Variants in TYK2 observed in about 807,000 individuals in gnomAD.
The protein encoded by TYK2 is tyrosine kinase 2, also known as non-receptor tyrosine-protein kinase TYK2.
Under a neutral mutation model 130.9 loss-of-function variants are expected in TYK2, and 65 were observed. The ratio of observed to expected loss-of-function variants is 0.50; its 90% CI spans 0.41 to 0.61. The LOEUF is 0.61. Among genes scored for constraint, TYK2 ranks in the 20% least tolerant of loss-of-function variants. TYK2 has a pLI of 0.00. For synonymous variants in TYK2, 647 were observed against 658.9 expected (o/e 0.98, Z 0.28); for missense variants, 1,378 against 1,610.7 (o/e 0.86, Z 2.47).
chr19:10,369,621 C>G (rs2041826099), intron 3 of TYK2: 1 of 406,976 alleles, frequency 2.5e-6, no homozygotes, highest in South Asian at 1.8e-5. Flanking sequence ...CTTCCTGCAC[C>G]CTCCATGTCC....
Position 10,362,403 on chromosome 19 carries a change from C to T in TYK2, c.1530G>A (p.Gln510=), listed in dbSNP as rs759501152. ...LRLRKFPIEQ[Q]DGAFVLEGWG... is the part of the protein sequence containing the mutation. ...AGCCCTCCAGCACGAAGGCCCCGTCCTGCTGCTCAATGGGGAACTTTCGGA... is the reference window on the plus strand; with the variant it reads ...AGCCCTCCAGCACGAAGGCCCCGTCTTGCTGCTCAATGGGGAACTTTCGGA... The change falls in exon 11 of 25, where the codon CAG becomes CAA. Residue 510 remains glutamine (Q), a synonymous_variant. Coordinates refer to ENST00000525621, the MANE Select transcript of TYK2 (RefSeq NM_003331.5). 1.2e-6 allele frequency: 2 copies of T among 1,613,046 alleles called. No homozygotes were observed. The highest frequency in any genetic ancestry group is 2.2e-5 in the East Asian group (1 of 44,864).
Position 10,354,224 on chromosome 19 carries a change from C to A in TYK2, c.2726G>T (p.Gly909Val). Residue 909 changes from glycine to valine, a missense_variant, in exon 20 of 25, where the codon GGC becomes GTC. Physicochemically the swap from Gly to Val is moderately radical, Grantham distance 109. Coordinates refer to ENST00000525621, the MANE Select transcript of TYK2 (RefSeq NM_003331.5). The part of the protein sequence containing the change: ...KIRDLGEGHF[G>V]KVSLYCYDPT... ...ATCGTAGCAGTACAAGCTGACCTTG[C>A]CGAAGTGACCCTGGTCGGGAGCGCA... 1 of 1,612,488 alleles carries A rather than the reference C, an allele frequency of 6.2e-7. No homozygotes were observed. The highest frequency in any genetic ancestry group is 8.5e-7 in the Non-Finnish European group (1 of 1,180,016).
chr19:10,358,790 C>T (rs1453353802), intron 15 of TYK2, among the ~76,000 whole-genome samples: 1 of 151,730 alleles, frequency 6.6e-6, no homozygotes, highest in African/African-American at 2.4e-5. Flanking sequence ...GCCAGCTGGG[C>T]GTGGTGGCTC....
chr19:10,350,837 G>A lies in TYK2; in HGVS notation c.3561C>T (p.Cys1187=). 6.2e-7 allele frequency: 1 copy of A among 1,613,356 alleles called. No homozygotes were observed. The highest frequency in any genetic ancestry group is 1.1e-5 in the South Asian group (1 of 91,042). ...CAGGCAGGGCTGCCATTGTGCCTCAGCACACGCTGAACACTGAAGGGGCCT... is the reference window on the plus strand; with the variant it reads ...CAGGCAGGGCTGCCATTGTGCCTCAACACACGCTGAACACTGAAGGGGCCT... ...QGQAPSVFSV[C] The change falls in exon 25 of 25, where the codon TGC becomes TGT. Residue 1187 remains cysteine (C), a synonymous_variant. Coordinates refer to ENST00000525621, the MANE Select transcript of TYK2 (RefSeq NM_003331.5).
intron 17 of TYK2, 181 bp downstream of exon 17, chr19:10,357,583 A>C: frequency 9.5e-6 from 8 of 839,782 alleles, no homozygotes; most frequent in Non-Finnish European, 1.6e-5. Context: ...AGTGACTTCC[A>C]CAAGGACCTA....
chr19:10,352,590 C>T (rs749223434), intron 22 of TYK2, 39 bp from the exon 23 acceptor site: 2 of 1,018,984 alleles, frequency 2.0e-6, no homozygotes, highest in Non-Finnish European at 3.0e-6. Flanking sequence ...GGGGGCTGCA[C>T]TGAGGGCTTG....
chr19:10,356,444 A>G (rs993733012), intron 18 of TYK2, 124 bp downstream of exon 18: 4 of 1,214,148 alleles, frequency 3.3e-6, no homozygotes, highest in Non-Finnish European at 4.7e-6. Context: ...TATGAATGCC[A>G]CTGCAAGAAA....
At chr19:10,360,019 GA>G (rs529866271) in intron 14 of TYK2, among the ~76,000 whole-genome samples, 14,761 of 133,690 alleles carry the variant, frequency 0.11, 787 homozygotes, top group Middle Eastern at 0.18. Context: ...TCAAAAAGAA[GA>G]AAAAAAAAAA....
intron 7 of TYK2, 127 bp from the exon 8 acceptor site, chr19:10,365,175 C>T: frequency 9.0e-7 from 1 of 1,113,776 alleles, no homozygotes; most frequent in Non-Finnish European, 1.2e-6. Flanking sequence ...CTCCCAAGTC[C>T]CAGTGTCACA....
chr19:10,365,068 G>C lies in TYK2; in HGVS notation c.1012-20C>G. On this transcript the variant is annotated intron_variant, in intron 7 of 24. Transcript: ENST00000525621. The stretch of plus-strand genomic sequence containing the variant: ...AGAACCCTGAACACCCAGCAAGTGG[G>C]GCAGAGGATGGAGAGGGCAATGCCC... 1 of 1,591,000 alleles carries C rather than the reference G, an allele frequency of 6.3e-7. No individual in the cohort carries two copies.
chr19:10,375,330 T>G (rs1011257301), intron 3 of TYK2, among the ~76,000 whole-genome samples: 2 of 151,984 alleles, frequency 1.3e-5, no homozygotes, highest in Non-Finnish European at 2.9e-5. Flanking sequence ...AGAAAGGCCT[T>G]TCCTTGGTTG....
Position 10,364,846 on chromosome 19 carries a change from C to G in TYK2, c.1209+5G>C. ...CCCTAGCCCAGCCCCTACCCTGGGCCTCACCAGGCACTTGTTGTCCTGCCG... is the reference window on the plus strand; with the variant it reads ...CCCTAGCCCAGCCCCTACCCTGGGCGTCACCAGGCACTTGTTGTCCTGCCG... On this transcript the variant is annotated splice_donor_5th_base_variant and intron_variant, in intron 8 of 24. Coordinates refer to ENST00000525621, the MANE Select transcript of TYK2 (RefSeq NM_003331.5). This position sits in a 1 kb window ranked among gnomAD's most constrained non-coding sequence, Gnocchi z 4.9. 6.2e-7 allele frequency: 1 copy of G among 1,614,082 alleles called. No homozygotes were observed. Among genetic ancestry groups the G allele is most frequent in the South Asian group, 1.1e-5 (1 of 91,092 alleles).
chr19:10,361,995 G>T lies in TYK2; in HGVS notation c.1774-40C>A, dbSNP rs760311741. The T allele has an allele frequency of 1.2e-6, 2 of 1,613,804 alleles. No individual in the cohort carries two copies. The highest frequency in any genetic ancestry group is 1.7e-6 in the Non-Finnish European group (2 of 1,179,832). ...GGCACAGAATACCGCCATGGTGAAA[G>T]TTAGCAGCTGATCTCCCAGGGCCCC... On this transcript the variant is annotated intron_variant, in intron 12 of 24. Transcript: ENST00000525621. This position sits in a 1 kb window ranked among gnomAD's most constrained non-coding sequence, Gnocchi z 4.0.
rs750307938 is a variant in TYK2 at position 10,362,165 on chromosome 19, G to A, written c.1686C>T (p.Ile562=). 1.2e-6 allele frequency: 2 copies of A among 1,614,020 alleles called. No individual in the cohort carries two copies. The highest frequency in any genetic ancestry group is 8.5e-7 in the Non-Finnish European group (1 of 1,180,008). The change falls in exon 12 of 25, where the codon ATC becomes ATT. Residue 562 remains isoleucine, a synonymous_variant. Coordinates refer to ENST00000525621, the MANE Select transcript of TYK2 (RefSeq NM_003331.5). ...GGCTGGCCCGAGCCCCCCGCATGATGATGAGATTGGAGGTTTCTGGGGGCA... is the reference window on the plus strand; with the variant it reads ...GGCTGGCCCGAGCCCCCCGCATGATAATGAGATTGGAGGTTTCTGGGGGCA... ...LPQPGETSNL[I]IMRGARASPR...
In TYK2 at chr19:10,350,799, G is replaced by C. The variant is rs768763103; in HGVS notation, c.*35C>G. ...GAGGCTCCCTCTGCAGCCACTGCCTGGTCCAGTCCTCCCAGGCAGGGCTGC... is the reference window on the plus strand; with the variant it reads ...GAGGCTCCCTCTGCAGCCACTGCCTCGTCCAGTCCTCCCAGGCAGGGCTGC... On this transcript the variant is annotated 3_prime_UTR_variant, in exon 25 of 25. Coordinates refer to ENST00000525621, the MANE Select transcript of TYK2 (RefSeq NM_003331.5). 1.9e-6 allele frequency: 3 copies of C among 1,611,612 alleles called. No homozygotes were observed. The highest frequency in any genetic ancestry group is 1.7e-5 in the Admixed American group (1 of 60,012).
rs760177831 is a variant in TYK2, at chr19:10,365,735, G to T, written c.793C>A (p.Arg265=). Residue 265 remains arginine, a synonymous_variant, in exon 7 of 25, where the codon CGG becomes AGG. Transcript: ENST00000525621. Reference sequence around the variant, plus strand: ...TCTGTGCCGAAGCGGGGTGCCAGCCGCTCGAGTGTGGCTAGGTATTTGACC... The same window carrying T: ...TCTGTGCCGAAGCGGGGTGCCAGCCTCTCGAGTGTGGCTAGGTATTTGACC... The part of the protein sequence containing the change: ...VMVKYLATLE[R]LAPRFGTERV... 6.2e-7 allele frequency: 1 copy of T among 1,612,844 alleles called. No homozygotes were observed. Among genetic ancestry groups the T allele is most frequent in the South Asian group, 1.1e-5 (1 of 91,032 alleles).
At position 10,352,481 on chromosome 19, in the gene TYK2, G is replaced by A. The variant is rs12720325; in HGVS notation, c.3271C>T (p.Leu1091=). The A allele has an allele frequency of 3.1e-6, 5 of 1,608,868 alleles. No homozygotes were observed. The highest frequency in any genetic ancestry group is 4.5e-5 in the East Asian group (2 of 44,732). ...TCACAGTGCGTCAGCAGCTCATACA[G>A]GGTCACCCCGAAGGACCAGACATCT... ...ASDVWSFGVT[L]YELLTHCDSS... The change falls in exon 23 of 25, where the codon CTG becomes TTG. Residue 1091 remains leucine (L), a synonymous_variant. Coordinates refer to ENST00000525621, the MANE Select transcript of TYK2 (RefSeq NM_003331.5).
At position 10,364,170 on chromosome 19, in the gene TYK2, A is replaced by G. The variant is rs1187616937; in HGVS notation, c.1367+444T>C. ...GGTCACCAGCGTCAGGGTAACACACAGTCCCATGAAAATCACCAGTTCTGT... is the reference window on the plus strand; with the variant it reads ...GGTCACCAGCGTCAGGGTAACACACGGTCCCATGAAAATCACCAGTTCTGT... On this transcript the variant is annotated intron_variant, in intron 9 of 24. Coordinates refer to ENST00000525621, the MANE Select transcript of TYK2 (RefSeq NM_003331.5). This position sits in a 1 kb window ranked among gnomAD's most constrained non-coding sequence, Gnocchi z 4.9. 6.6e-6 allele frequency among the ~76,000 whole-genome samples: 1 copy of G among 152,222 alleles called. No individual in the cohort carries two copies. Among genetic ancestry groups the G allele is most frequent in the Non-Finnish European group, 1.5e-5 (1 of 68,044 alleles).
intron 15 of TYK2, among the ~76,000 whole-genome samples, chr19:10,358,970 G>A (rs2041250180): frequency 6.6e-6 from 1 of 152,176 alleles, no homozygotes; most frequent in South Asian, 2.1e-4. Context: ...GGCTGAGGCG[G>A]GAGAATCATT....
Sources: allele counts gnomAD v4.1 joint callset (sites outside exome capture counted in the v4.1 genomes callset), GRCh38; gene constraint gnomAD v4.1.1; non-coding constraint Gnocchi (gnomAD v3.1); transcripts MANE v1.5; gene names NCBI Gene and HGNC (gene_info 2026-07-23, HGNC 2026-07-21).